The following AP2B1 variants were observed in gnomAD, a reference collection of about 807,000 sequenced individuals.
The protein encoded by AP2B1 is AP-2 complex subunit beta.
Under a neutral mutation model 102.0 loss-of-function variants are expected in AP2B1, and 23 were observed. The ratio of observed to expected loss-of-function variants is 0.23; its 90% CI spans 0.16 to 0.32. The LOEUF (loss-of-function observed/expected upper bound fraction) is 0.32. Ranked by LOEUF, AP2B1 falls within the 10% of genes least tolerant of loss-of-function variation. The pLI, the probability that AP2B1 is intolerant of heterozygous loss-of-function variation, is 1.00. For missense variants in AP2B1, 541 were observed against 1,157.4 expected, an observed-to-expected ratio of 0.47 and a Z score of 7.73; for synonymous variants, 381 against 421.2, an observed-to-expected ratio of 0.90 and a Z score of 1.17.
intron 4 of AP2B1, among the ~76,000 whole-genome samples, chr17:35,606,838 A>G (rs896409067): frequency 6.6e-6 from 1 of 152,164 alleles, no homozygotes; most frequent in Non-Finnish European, 1.5e-5. Flanking sequence ...TTTTCTTATT[A>G]TTGAATATCC....
At chr17:35,657,522 T>G in intron 13 of AP2B1, 77 bp from the exon 14 acceptor site, 1 of 1,199,094 alleles carries the variant, frequency 8.3e-7, no homozygotes, top group Non-Finnish European at 1.2e-6. Flanking sequence ...GCTATATGTT[T>G]CACTGTTGTT....
intron 12 of AP2B1, among the ~76,000 whole-genome samples, chr17:35,643,016 C>T (rs954230377): frequency 6.6e-6 from 1 of 150,896 alleles, no homozygotes; most frequent in African/African-American, 2.4e-5. Context: ...TCCTCCCACA[C>T]CCCCCACAGC....
At chr17:35,607,880 T>A in intron 4 of AP2B1, 1 of 394,432 alleles carries the variant, frequency 2.5e-6, no homozygotes, top group Non-Finnish European at 4.7e-6. Context: ...TCCCTAAACC[T>A]CTGCCTGGCA....
chr17:35,703,488 A>G (rs1030925591), intron 18 of AP2B1, among the ~76,000 whole-genome samples: 3 of 152,172 alleles, frequency 2.0e-5, no homozygotes, highest in Non-Finnish European at 4.4e-5. Context: ...ACCGTGGAAT[A>G]CTATGCACCC....
chr17:35,634,838 C>T (rs1327300980), intron 9 of AP2B1, among the ~76,000 whole-genome samples: 1 of 152,224 alleles, frequency 6.6e-6, no homozygotes, highest in Non-Finnish European at 1.5e-5. Context: ...AAGACACCCT[C>T]TGCTATCTCC....
At chr17:35,630,435 G>T (rs1654467279) in intron 9 of AP2B1, among the ~76,000 whole-genome samples, 2 of 152,116 alleles carry the variant, frequency 1.3e-5, no homozygotes, top group South Asian at 4.1e-4. Flanking sequence ...CGTCTACTTA[G>T]TATTAATGTA....
At position 35,641,238 on chromosome 17, in the gene AP2B1, C is replaced by A. The variant is rs60841383; in HGVS notation, c.1438-639C>A. Among the ~76,000 whole-genome samples, 1,375 of 152,196 alleles carry A rather than the reference C, an allele frequency of 9.0e-3. 23 individuals are homozygous for A. The highest frequency in any genetic ancestry group is 0.031 in the African/African-American group (1,285 of 41,504). ...AGAAGTAAATAATGAAAGACTTGCT[C>A]AGGAGCCAATTTTATCACCATCAGT... On this transcript the variant is annotated intron_variant, in intron 11 of 21. Coordinates refer to ENST00000610402, the MANE Select transcript of AP2B1 (RefSeq NM_001030006.2).
chr17:35,619,333 A>T (rs1166183161), intron 5 of AP2B1, among the ~76,000 whole-genome samples: 1 of 152,202 alleles, frequency 6.6e-6, no homozygotes, highest in Admixed American at 6.5e-5. Flanking sequence ...GTAAGTAAAA[A>T]TACAAATTGC....
At chr17:35,720,585 T>A (rs1428444939) in intron 21 of AP2B1, among the ~76,000 whole-genome samples, 306 of 110,768 alleles carry the variant, frequency 2.8e-3, no homozygotes, top group Middle Eastern at 4.5e-3. Context: ...TTTTTTTTTT[T>A]TTTTTTTTTT....
chr17:35,665,128 T>TTA (rs1386815280), intron 14 of AP2B1, among the ~76,000 whole-genome samples: 1 of 142,366 alleles, frequency 7.0e-6, no homozygotes, highest in Non-Finnish European at 1.6e-5. Context: ...TGGAATAGCT[T>TTA]TTTTTTTTTT....
intron 20 of AP2B1, among the ~76,000 whole-genome samples, chr17:35,716,897 T>C (rs182377862): frequency 7.6e-4 from 116 of 152,346 alleles, no homozygotes; most frequent in Non-Finnish European, 1.3e-3. Context: ...AGCACCTAAT[T>C]TGAGATTGCC....
At chr17:35,668,848 G>A (rs756213639) in intron 14 of AP2B1, among the ~76,000 whole-genome samples, 15 of 151,884 alleles carry the variant, frequency 9.9e-5, no homozygotes, top group Non-Finnish European at 1.8e-4. Context: ...TCAGAACTTC[G>A]CTTTTTTGCT....
intron 18 of AP2B1, among the ~76,000 whole-genome samples, chr17:35,707,438 A>T (rs1036823701): frequency 7.1e-6 from 1 of 141,224 alleles, no homozygotes; most frequent in Non-Finnish European, 1.5e-5. Context: ...GGCGTGAGCC[A>T]CCGTGCCCGG....
chr17:35,629,368 C>A (rs2074401934), intron 9 of AP2B1, among the ~76,000 whole-genome samples: 1 of 152,126 alleles, frequency 6.6e-6, no homozygotes, highest in South Asian at 2.1e-4. Flanking sequence ...TTAGACCCTT[C>A]TCTTTTGCAG....
Position 35,649,309 on chromosome 17 carries a change from C to T in AP2B1, c.1537-1221C>T, listed in dbSNP as rs941085947. 2.6e-5 allele frequency among the ~76,000 whole-genome samples: 4 copies of T among 152,020 alleles called. No individual in the cohort carries two copies. In the East Asian group the frequency reaches 7.7e-4, roughly 29 times the overall value. On this transcript the variant is annotated intron_variant, in intron 12 of 21. Coordinates refer to ENST00000610402, the MANE Select transcript of AP2B1 (RefSeq NM_001030006.2). ...TTGGAACGGAGTTTTGCTCTTATTG[C>T]CCAGGCGAGAGTGCAGTGAAACAAT...
intron 18 of AP2B1, among the ~76,000 whole-genome samples, chr17:35,704,397 T>C (rs777251977): frequency 6.6e-6 from 1 of 152,204 alleles, no homozygotes; most frequent in African/African-American, 2.4e-5. Context: ...GATTCTGTTA[T>C]GTATATGAAT....
intron 16 of AP2B1, among the ~76,000 whole-genome samples, chr17:35,673,882 C>G (rs760092032): frequency 1.3e-5 from 2 of 152,082 alleles, no homozygotes; most frequent in Non-Finnish European, 1.5e-5. Flanking sequence ...GTAAAATAAC[C>G]AAGCTGAACA....
intron 5 of AP2B1, among the ~76,000 whole-genome samples, chr17:35,613,594 T>C (rs1353512497): frequency 6.6e-6 from 1 of 152,224 alleles, no homozygotes; most frequent in Non-Finnish European, 1.5e-5. Flanking sequence ...CCCAAGTCTG[T>C]TTCCTTTCCT....
At chr17:35,653,310 A>G (rs2075135233) in intron 13 of AP2B1, among the ~76,000 whole-genome samples, 1 of 152,172 alleles carries the variant, frequency 6.6e-6, no homozygotes, top group Non-Finnish European at 1.5e-5. Context: ...GCAGCTAGTA[A>G]TTAATGGAGC....
Sources: allele counts gnomAD v4.1 joint callset (sites outside exome capture counted in the v4.1 genomes callset), GRCh38; gene constraint gnomAD v4.1.1; transcripts MANE v1.5; gene names NCBI Gene and HGNC (gene_info 2026-07-23, HGNC 2026-07-21).